EFCAB8: variants seen among roughly 807,000 people sequenced by gnomAD.
EFCAB8 encodes EF-hand calcium-binding domain-containing protein 8.
EFCAB8 carries 100 observed loss-of-function variants against 116.3 expected under a neutral mutation model. The ratio of observed to expected loss-of-function variants is 0.86; its 90% CI spans 0.73 to 1.02. The LOEUF (loss-of-function observed/expected upper bound fraction) is 1.02. Among genes scored for constraint, EFCAB8 ranks in the 50% least tolerant of loss-of-function variants. The pLI is 0.00. For synonymous variants in EFCAB8, 558 were observed against 567.9 expected (o/e 0.98, Z 0.25); for missense variants, 1,320 against 1,416.9 (o/e 0.93, Z 1.10).
At chr20:32,934,188 A>G (rs1454381182) in intron 22 of EFCAB8, among the ~76,000 whole-genome samples, 3 of 152,110 alleles carry the variant, frequency 2.0e-5, no homozygotes, top group African/African-American at 7.2e-5. Flanking sequence ...CCATATATAA[A>G]TACAATCATG....
Position 32,885,621 on chromosome 20 carries a change from C to A in EFCAB8, c.548C>A (p.Ser183Ter). 1.3e-6 allele frequency: 2 copies of A among 1,551,764 alleles called. No individual in the cohort carries two copies. The highest frequency in any genetic ancestry group is 2.4e-5 in the South Asian group (2 of 84,058). ...CTGCAGTTCTGGTCTGAGTCCTTCT[C>A]GCTGATGAGCTCCTTTAGGGTGAGT... is the stretch of plus-strand genomic sequence containing the variant. Reference protein sequence around the residue: ...GILQFWSESFSLMSSFRLNQT... With the variant: ...GILQFWSESF Residue 183 changes from serine to a stop codon, truncating the protein, a stop_gained, in exon 6 of 27, where the codon TCG becomes TAG. Transcript: ENST00000400522. LOFTEE classifies it high-confidence loss of function.
intron 11 of EFCAB8, among the ~76,000 whole-genome samples, chr20:32,904,411 C>T (rs940731150): frequency 6.6e-5 from 10 of 150,762 alleles, no homozygotes; most frequent in Non-Finnish European, 1.0e-4. Flanking sequence ...AGCAATCCTC[C>T]CACCTCAGCC....
At chr20:32,915,274 A>G (rs1175067463) in intron 17 of EFCAB8, among the ~76,000 whole-genome samples, 3 of 152,220 alleles carry the variant, frequency 2.0e-5, no homozygotes, top group Non-Finnish European at 4.4e-5. Context: ...ATAAGTTGTC[A>G]GGAGAAACCA....
chr20:32,905,129 G>T (rs1030682518), intron 11 of EFCAB8, among the ~76,000 whole-genome samples: 2 of 152,152 alleles, frequency 1.3e-5, no homozygotes, highest in African/African-American at 4.8e-5. Context: ...CTCCTGGATC[G>T]CTGCTTACTG....
At chr20:32,859,096 G>T (rs1318698981) in intron 1 of EFCAB8, 90 bp downstream of exon 1, 1 of 466,030 alleles carries the variant, frequency 2.1e-6, no homozygotes, top group Non-Finnish European at 4.4e-6. Context: ...CTGGAGAGCA[G>T]CTCTTATCTG....
intron 11 of EFCAB8, among the ~76,000 whole-genome samples, chr20:32,900,556 A>AT (rs1235483525): frequency 3.4e-5 from 5 of 148,902 alleles, no homozygotes; most frequent in Non-Finnish European, 7.4e-5. Context: ...TCATTTTTTA[A>AT]TTTTTATTAT....
At chr20:32,874,471 A>T (rs993413218) in intron 3 of EFCAB8, among the ~76,000 whole-genome samples, 5 of 152,018 alleles carry the variant, frequency 3.3e-5, no homozygotes, top group African/African-American at 1.2e-4. Context: ...TGATCCTCAT[A>T]CCTCAGCCTC....
rs549866244 is a variant in EFCAB8, at chr20:32,895,627, A to C, written c.884-827A>C. On this transcript the variant is annotated intron_variant, in intron 9 of 26. Coordinates refer to ENST00000400522, the MANE Select transcript of EFCAB8 (RefSeq NM_001143967.2). ...TGCTCTATTGCCCAGGCTGGAGTGC[A>C]ATGGTGCGATCTTGGCTCACTGCCA... Among the ~76,000 whole-genome samples the C allele has an allele frequency of 2.0e-5, 3 of 147,260 alleles. No homozygotes were observed. The South Asian group carries it at 6.5e-4, about 32-fold the overall frequency.
At chr20:32,877,190 T>C (rs1358785480) in intron 4 of EFCAB8, among the ~76,000 whole-genome samples, 1 of 147,010 alleles carries the variant, frequency 6.8e-6, no homozygotes, top group Non-Finnish European at 1.5e-5. Flanking sequence ...AATTTTCTTG[T>C]TTTTATTTAT....
intron 22 of EFCAB8, among the ~76,000 whole-genome samples, chr20:32,938,478 T>C (rs894400526): frequency 6.7e-6 from 1 of 149,852 alleles, no homozygotes; most frequent in Admixed American, 6.6e-5. Context: ...ATAAAAAGTA[T>C]CTATATTGGG....
Position 32,887,197 on chromosome 20 carries a change from G to A in EFCAB8, c.567+1557G>A, listed in dbSNP as rs142318116. On this transcript the variant is annotated intron_variant, in intron 6 of 26. Coordinates refer to ENST00000400522, the MANE Select transcript of EFCAB8 (RefSeq NM_001143967.2). ...TATCCATCTAGAGGAATTGGTTTAC[G>A]CTCCTCCCTGCTCCTTCCTCCCAGC... is the stretch of plus-strand genomic sequence containing the variant. Among the ~76,000 whole-genome samples, 12 of 152,266 alleles carry A rather than the reference G, an allele frequency of 7.9e-5. No individual in the cohort carries two copies. The East Asian group carries it at 2.3e-3, about 29-fold the overall frequency.
chr20:32,960,242 C>G, intron 26 of EFCAB8, 81 bp downstream of exon 26: 1 of 1,259,704 alleles, frequency 7.9e-7, no homozygotes, highest in Non-Finnish European at 1.1e-6. Context: ...CACCCTTGTG[C>G]CCACACAGCC....
At chr20:32,870,105 A>G (rs774164468) in intron 3 of EFCAB8, among the ~76,000 whole-genome samples, 3 of 152,200 alleles carry the variant, frequency 2.0e-5, no homozygotes, top group Non-Finnish European at 4.4e-5. Context: ...GAGATTTACA[A>G]CCACACTGTG....
chr20:32,957,988 G>A (rs1407019595), intron 23 of EFCAB8, among the ~76,000 whole-genome samples: 1 of 152,050 alleles, frequency 6.6e-6, no homozygotes, highest in Non-Finnish European at 1.5e-5. Context: ...CTGCCCAGGA[G>A]CAGGACTTAA....
At chr20:32,885,829 G>T (rs1985595904) in intron 6 of EFCAB8, among the ~76,000 whole-genome samples, 189 bp downstream of exon 6, 1 of 152,188 alleles carries the variant, frequency 6.6e-6, no homozygotes. Context: ...TGCTAAGCAG[G>T]ATTCCACCTG....
intron 21 of EFCAB8, 29 bp from the exon 22 acceptor site, chr20:32,931,149 G>A: frequency 2.7e-6 from 4 of 1,507,364 alleles, no homozygotes; most frequent in Non-Finnish European, 3.6e-6. Context: ...CAAGGGGTGT[G>A]AGGCCACTAA....
At chr20:32,931,715 G>A (rs1047766531) in intron 22 of EFCAB8, among the ~76,000 whole-genome samples, 37 of 152,158 alleles carry the variant, frequency 2.4e-4, no homozygotes, top group African/African-American at 8.0e-4. Flanking sequence ...CTGAGATCGC[G>A]CCATTGCATT....
At chr20:32,861,042 C>T (rs1461331614) in intron 1 of EFCAB8, among the ~76,000 whole-genome samples, 3 of 152,024 alleles carry the variant, frequency 2.0e-5, no homozygotes, top group Non-Finnish European at 2.9e-5. Context: ...TGGCCTGCAT[C>T]GTGCTTTTCT....
At chr20:32,888,337 T>G (rs1346517006) in intron 6 of EFCAB8, among the ~76,000 whole-genome samples, 1 of 152,140 alleles carries the variant, frequency 6.6e-6, no homozygotes, top group Non-Finnish European at 1.5e-5. Context: ...GTGATTCTTC[T>G]GCCTCAGCCT....
Sources: allele counts gnomAD v4.1 joint callset (sites outside exome capture counted in the v4.1 genomes callset), GRCh38; gene constraint gnomAD v4.1.1; transcripts MANE v1.5; gene names NCBI Gene and HGNC (gene_info 2026-07-23, HGNC 2026-07-21).